Variants in NIPSNAP2 observed in about 807,000 individuals in gnomAD.
NIPSNAP2 encodes nipsnap homolog 2.
NIPSNAP2 carries 42 observed loss-of-function variants against 48.4 expected under a neutral mutation model. The observed-to-expected ratio is 0.87, with a 90% CI of 0.68 to 1.12. The LOEUF is 1.12. Among genes scored for constraint, NIPSNAP2 ranks in the 50% most tolerant of loss-of-function variants. The pLI is 0.00. For missense variants in NIPSNAP2, 314 were observed against 347.3 expected, an observed-to-expected ratio of 0.90 and a Z score of 0.76; for synonymous variants, 158 against 126.6, an observed-to-expected ratio of 1.25 and a Z score of -1.67.
rs540696232 is a variant in NIPSNAP2 at position 55,998,131 on chromosome 7, C to T, written c.796+682C>T. 1.4e-4 allele frequency among the ~76,000 whole-genome samples: 21 copies of T among 151,944 alleles called. No individual in the cohort carries two copies. The East Asian group carries it at 3.7e-3, about 27-fold the overall frequency. ...GGTCGGGAGTTCGAGACCAGCCTGA[C>T]GAACATGATGAAACCTGTCTCCATT... On this transcript the variant is annotated intron_variant, in intron 9 of 9. Transcript: ENST00000322090.
chr7:55,994,958 G>T lies in NIPSNAP2; in HGVS notation c.682G>T (p.Gly228Trp). 1 of 1,614,078 alleles carries T rather than the reference G, an allele frequency of 6.2e-7. No individual in the cohort carries two copies. The highest frequency in any genetic ancestry group is 8.5e-7 in the Non-Finnish European group (1 of 1,180,006). The stretch of plus-strand genomic sequence containing the variant: ...CGTCGGAGGATTCTTCTCTCAGATT[G>T]GGCAGCTGTACATGGTGCACCATCT... ...EAVGGFFSQI[G>W]QLYMVHHLWA... The change falls in exon 8 of 10, where the codon GGG becomes TGG. Residue 228 changes from glycine to tryptophan, a missense_variant. Transcript: ENST00000322090.
chr7:55,971,589 GGTAGCTA>G (rs1398831872), intron 1 of NIPSNAP2, among the ~76,000 whole-genome samples: 2 of 151,882 alleles, frequency 1.3e-5, no homozygotes, highest in African/African-American at 2.4e-5. Flanking sequence ...CAGGTTCCTG[GGTAGCTA>G]GGACCATAAG....
intron 1 of NIPSNAP2, among the ~76,000 whole-genome samples, chr7:55,969,004 G>A (rs777693289): frequency 2.0e-5 from 3 of 151,434 alleles, no homozygotes; most frequent in Non-Finnish European, 4.4e-5. Context: ...CCGAGATCGC[G>A]CCACTGCCCT....
At chr7:55,974,847 T>TAAA (rs11391060) in intron 1 of NIPSNAP2, among the ~76,000 whole-genome samples, 51 of 112,248 alleles carry the variant, frequency 4.5e-4, no homozygotes, top group African/African-American at 1.5e-3. Context: ...GACTCTGTCT[T>TAAA]AAAAAAAAAA....
intron 1 of NIPSNAP2, among the ~76,000 whole-genome samples, chr7:55,975,285 C>G (rs1247238874): frequency 6.6e-6 from 1 of 151,400 alleles, no homozygotes; most frequent in Non-Finnish European, 1.5e-5. Flanking sequence ...CTCTGGGGGT[C>G]AAGGCTGCAG....
intron 7 of NIPSNAP2, among the ~76,000 whole-genome samples, chr7:55,994,579 G>A (rs1342567595): frequency 1.3e-5 from 2 of 152,138 alleles, no homozygotes; most frequent in African/African-American, 4.8e-5. Context: ...CGAGCATGGT[G>A]GCGGGTGCCT....
rs189759495 is a variant in NIPSNAP2, at chr7:55,979,591, C to G, written c.278+1196C>G. The G allele has an allele frequency of 2.0e-5, 7 of 355,418 alleles. No homozygotes were observed. The East Asian group carries it at 5.1e-4, about 26-fold the overall frequency. The allele number at this position is 355,418 out of a possible 1,614,324, so 22.0% of individuals were successfully genotyped here. ...TCTCCATCTCTCTCTCCAAGCCTCTCGAGCCCCATTCCCAAGTAGCTTTTT... is the reference window on the plus strand; with the variant it reads ...TCTCCATCTCTCTCTCCAAGCCTCTGGAGCCCCATTCCCAAGTAGCTTTTT... On this transcript the variant is annotated intron_variant, in intron 3 of 9. Coordinates refer to ENST00000322090, the MANE Select transcript of NIPSNAP2 (RefSeq NM_001483.3).
chr7:55,997,321 G>T (rs1245634400), intron 8 of NIPSNAP2, 45 bp from the exon 9 acceptor site: 1 of 1,339,836 alleles, frequency 7.5e-7, no homozygotes, highest in Non-Finnish European at 1.1e-6. Context: ...GTGGAATGCA[G>T]TGTATGTGTT....
chr7:55,979,503 G>T, intron 3 of NIPSNAP2: 1 of 290,700 alleles, frequency 3.4e-6, no homozygotes, highest in Non-Finnish European at 6.9e-6. Context: ...GTTCTCTGTG[G>T]TGAATCTGTC....
At chr7:55,981,447 T>C in intron 3 of NIPSNAP2, 26 bp from the exon 4 acceptor site, 1 of 1,574,202 alleles carries the variant, frequency 6.4e-7, no homozygotes, top group Non-Finnish European at 8.7e-7. Context: ...GTTGTTTAAT[T>C]AGTGTTGCTG....
rs769689025 is a variant in NIPSNAP2, at chr7:55,999,076, T to A, written c.*4T>A. 30 of 1,610,196 alleles carry A rather than the reference T, an allele frequency of 1.9e-5. No individual in the cohort carries two copies. Among genetic ancestry groups the A allele is most frequent in the Non-Finnish European group, 2.5e-5 (30 of 1,176,674 alleles). On this transcript the variant is annotated 3_prime_UTR_variant, in exon 10 of 10. Coordinates refer to ENST00000322090, the MANE Select transcript of NIPSNAP2 (RefSeq NM_001483.3). The stretch of plus-strand genomic sequence containing the variant: ...GAAGACCTCGCCCCTCCAGTAAAGC[T>A]GTAGAGTTTCTATGTGCCTACATAC...
chr7:55,982,321 T>C lies in NIPSNAP2; in HGVS notation c.444+41T>C, dbSNP rs370376520. On this transcript the variant is annotated intron_variant, in intron 5 of 9. Transcript: ENST00000322090. Reference sequence around the variant, plus strand: ...AATGTTTACTTAGACTAATGATATATAGATGTTAGTACAGAATTAAATGAC... The same window carrying C: ...AATGTTTACTTAGACTAATGATATACAGATGTTAGTACAGAATTAAATGAC... 55 of 1,119,064 alleles carry C rather than the reference T, an allele frequency of 4.9e-5. No homozygotes were observed. In the African/African-American group the frequency reaches 7.3e-4, roughly 15 times the overall value. 69.3% of individuals were successfully genotyped at this position (1,119,064 alleles called of 1,614,324 possible). A position where few individuals can be genotyped will look rare whatever the true frequency, so the allele number is the denominator to read the frequency against.
intron 1 of NIPSNAP2, among the ~76,000 whole-genome samples, chr7:55,970,853 C>T (rs1261830040): frequency 1.3e-5 from 2 of 152,114 alleles, no homozygotes; most frequent in African/African-American, 2.4e-5. Context: ...GCCAGAGTGC[C>T]CCTACTGGAG....
In NIPSNAP2 at chr7:55,999,154, AAAAG is replaced by A. The variant is rs1386895481; in HGVS notation, c.*86_*89del. The A allele has an allele frequency of 6.7e-5, 81 of 1,202,646 alleles. No individual in the cohort carries two copies. The highest frequency in any genetic ancestry group is 5.8e-4 in the Middle Eastern group (3 of 5,204). 74.5% of individuals were successfully genotyped at this position (1,202,646 alleles called of 1,614,324 possible). On this transcript the variant is annotated 3_prime_UTR_variant, in exon 10 of 10. Transcript: ENST00000322090. ...TTAATTTTAATTGTGTATCAAGTGA[AAAAG>A]AAACACTGAGGTTTTAAGCTGCTGT...
At chr7:55,968,561 T>C (rs1249773007) in intron 1 of NIPSNAP2, among the ~76,000 whole-genome samples, 1 of 152,036 alleles carries the variant, frequency 6.6e-6, no homozygotes, top group Non-Finnish European at 1.5e-5. Flanking sequence ...AATTTTTTTG[T>C]ATTTTTAATA....
chr7:55,989,950 CAAA>C (rs34909004), intron 7 of NIPSNAP2, among the ~76,000 whole-genome samples: 5 of 118,858 alleles, frequency 4.2e-5, no homozygotes, highest in Non-Finnish European at 3.6e-5. Flanking sequence ...ACTAAAAATC[CAAA>C]AAAAAAAAAA....
intron 9 of NIPSNAP2, among the ~76,000 whole-genome samples, 176 bp from the exon 10 acceptor site, chr7:55,998,832 G>A (rs1308461134): frequency 1.3e-5 from 2 of 152,160 alleles, no homozygotes; most frequent in Non-Finnish European, 2.9e-5. Flanking sequence ...TAGGATGGCA[G>A]CTGATACAGG....
chr7:55,993,452 G>T (rs182595516), intron 7 of NIPSNAP2, among the ~76,000 whole-genome samples: 1 of 151,862 alleles, frequency 6.6e-6, no homozygotes, highest in Non-Finnish European at 1.5e-5. Flanking sequence ...GGTGGTGGGC[G>T]CCTGTAATCC....
chr7:55,984,379 C>G (rs940940362), intron 6 of NIPSNAP2, among the ~76,000 whole-genome samples: 8 of 152,088 alleles, frequency 5.3e-5, no homozygotes, highest in African/African-American at 1.9e-4. Context: ...AAGCTTGAGA[C>G]CAGCCTGAAC....
Sources: allele counts gnomAD v4.1 joint callset (sites outside exome capture counted in the v4.1 genomes callset), GRCh38; gene constraint gnomAD v4.1.1; transcripts MANE v1.5; gene names NCBI Gene and HGNC (gene_info 2026-07-23, HGNC 2026-07-21).